The following TTC29 variants were observed in gnomAD, a reference collection of about 807,000 sequenced individuals.
TTC29 encodes the protein tetratricopeptide repeat protein 29.
TTC29 carries 49 observed loss-of-function variants against 58.1 expected under a neutral mutation model. The ratio of observed to expected loss-of-function variants is 0.84; its 90% CI spans 0.67 to 1.07. The LOEUF (loss-of-function observed/expected upper bound fraction) is 1.07, where lower values mean the gene tolerates loss of function less well. TTC29 is among the 50% of genes least tolerant of loss of function. The pLI is 0.00. For missense variants in TTC29, 582 were observed against 555.6 expected (o/e 1.05, Z -0.48); for synonymous variants, 209 against 196.8 (o/e 1.06, Z -0.52).
intron 11 of TTC29, among the ~76,000 whole-genome samples, chr4:146,711,266 C>G (rs914221885): frequency 5.3e-5 from 8 of 152,062 alleles, no homozygotes; most frequent in African/African-American, 1.9e-4. Context: ...CTATAAGCAG[C>G]AAACACAGAG....
intron 11 of TTC29, among the ~76,000 whole-genome samples, chr4:146,735,182 T>C (rs1207864356): frequency 1.3e-5 from 2 of 152,046 alleles, no homozygotes; most frequent in African/African-American, 4.8e-5. Context: ...GCCACCCCCC[T>C]AAAGGCAAAA....
intron 6 of TTC29, among the ~76,000 whole-genome samples, chr4:146,891,409 C>T (rs563904223): frequency 8.4e-4 from 127 of 151,994 alleles, no homozygotes; most frequent in Non-Finnish European, 1.6e-3. Context: ...TTACTTTGAC[C>T]GTAGCCAATA....
rs577747616 is a variant in TTC29, at chr4:146,833,985, A to T, written c.886-88T>A. 59 of 913,474 alleles carry T rather than the reference A, an allele frequency of 6.5e-5. No individual in the cohort carries two copies. The African/African-American group carries it at 8.5e-4, about 13-fold the overall frequency. 56.6% of individuals were successfully genotyped at this position (913,474 alleles called of 1,614,324 possible). A position where few individuals can be genotyped will look rare whatever the true frequency, so the allele number is the denominator to read the frequency against. Reference sequence around the variant, plus strand: ...CATAACAGAAAAAAATAAAATTAATAGTTGGTTTTAATGTCTCTATAAAAA... The same window carrying T: ...CATAACAGAAAAAAATAAAATTAATTGTTGGTTTTAATGTCTCTATAAAAA... On this transcript the variant is annotated intron_variant, in intron 8 of 12. Coordinates refer to ENST00000325106, the MANE Select transcript of TTC29 (RefSeq NM_031956.4).
intron 11 of TTC29, among the ~76,000 whole-genome samples, chr4:146,783,923 T>G (rs1458744752): frequency 6.6e-6 from 1 of 152,048 alleles, no homozygotes; most frequent in African/African-American, 2.4e-5. Context: ...TAACCAGGAC[T>G]CTACTCTCAA....
intron 11 of TTC29, among the ~76,000 whole-genome samples, chr4:146,793,221 A>G (rs924445278): frequency 6.6e-6 from 1 of 152,202 alleles, no homozygotes; most frequent in Non-Finnish European, 1.5e-5. Flanking sequence ...GTAAAATGCT[A>G]TCAAACAGCA....
intron 6 of TTC29, among the ~76,000 whole-genome samples, chr4:146,887,912 T>C (rs1485560294): frequency 2.0e-5 from 3 of 152,068 alleles, no homozygotes; most frequent in Admixed American, 6.6e-5. Context: ...CTCATTTGTA[T>C]GCAGTGGCCC....
At chr4:146,895,248 G>A (rs908793755) in intron 6 of TTC29, among the ~76,000 whole-genome samples, 3 of 152,094 alleles carry the variant, frequency 2.0e-5, no homozygotes, top group African/African-American at 7.2e-5. Context: ...AGCCTGGCAG[G>A]AGCTTCCAAG....
intron 7 of TTC29, among the ~76,000 whole-genome samples, chr4:146,871,060 C>T (rs763559092): frequency 1.3e-5 from 2 of 151,792 alleles, no homozygotes; most frequent in East Asian, 1.9e-4. Context: ...ATGTCCCCTA[C>T]GAATATAGTC....
intron 11 of TTC29, among the ~76,000 whole-genome samples, chr4:146,733,150 C>T (rs1744464483): frequency 6.6e-6 from 1 of 152,026 alleles, no homozygotes; most frequent in African/African-American, 2.4e-5. Context: ...GAACCTTATG[C>T]ATATGGGAGT....
intron 8 of TTC29, among the ~76,000 whole-genome samples, chr4:146,837,621 T>A (rs1184888140): frequency 6.6e-6 from 1 of 151,550 alleles, no homozygotes; most frequent in African/African-American, 2.4e-5. Context: ...AGACAAAGAG[T>A]GGAACCACTT....
At chr4:146,804,851 C>A (rs1242973743) in intron 10 of TTC29, among the ~76,000 whole-genome samples, 3 of 152,232 alleles carry the variant, frequency 2.0e-5, no homozygotes. Context: ...CTGAAGAGAG[C>A]AGTGGATCTG....
intron 10 of TTC29, among the ~76,000 whole-genome samples, chr4:146,809,012 C>G (rs1750824129): frequency 6.6e-6 from 1 of 151,248 alleles, no homozygotes; most frequent in South Asian, 2.1e-4. Flanking sequence ...GTAACCAAAA[C>G]AGCATGGTAC....
chr4:146,892,605 T>C (rs933930946), intron 6 of TTC29, among the ~76,000 whole-genome samples: 2 of 152,142 alleles, frequency 1.3e-5, no homozygotes, highest in Non-Finnish European at 2.9e-5. Flanking sequence ...CTGGAAGCAT[T>C]CCCTTTGAAA....
intron 10 of TTC29, among the ~76,000 whole-genome samples, chr4:146,814,520 G>C (rs1385214957): frequency 6.6e-6 from 1 of 152,044 alleles, no homozygotes; most frequent in Non-Finnish European, 1.5e-5. Flanking sequence ...GAGGTCAAGA[G>C]ATCAAGACCA....
intron 8 of TTC29, among the ~76,000 whole-genome samples, chr4:146,859,096 T>C (rs951308820): frequency 3.3e-5 from 5 of 152,118 alleles, no homozygotes; most frequent in African/African-American, 1.2e-4. Flanking sequence ...CCAACTGTCA[T>C]CTACATGCAG....
chr4:146,869,107 A>AAC (rs985945850), intron 7 of TTC29, among the ~76,000 whole-genome samples: 14 of 151,890 alleles, frequency 9.2e-5, no homozygotes, highest in Admixed American at 2.0e-4. Context: ...TAAAAAAAAA[A>AAC]AAAAAAAAAA....
chr4:146,757,610 G>T (rs1423947584), intron 11 of TTC29, among the ~76,000 whole-genome samples: 3 of 152,194 alleles, frequency 2.0e-5, no homozygotes, highest in African/African-American at 7.2e-5. Context: ...CAGATTAACA[G>T]CAGATTTCTC....
chr4:146,812,923 T>C (rs1006045495), intron 10 of TTC29: 2 of 152,156 alleles, frequency 1.3e-5, no homozygotes, highest in Non-Finnish European at 2.9e-5. Context: ...TTCTAGTAAT[T>C]AGTCTTGGTA....
At chr4:146,779,209 T>A (rs1246313090) in intron 11 of TTC29, among the ~76,000 whole-genome samples, 1 of 151,988 alleles carries the variant, frequency 6.6e-6, no homozygotes, top group Non-Finnish European at 1.5e-5. Context: ...TATTTTATAA[T>A]AGTTATTTAT....
Sources: gnomAD v4.1 joint callset for allele counts (sites outside exome capture counted in the v4.1 genomes callset) on GRCh38, gnomAD v4.1.1 for gene constraint, MANE v1.5 for transcripts, NCBI Gene and HGNC (gene_info 2026-07-23, HGNC 2026-07-21) for gene names.